The following ANKRD30B variants were observed in gnomAD, a reference collection of about 807,000 sequenced individuals.
ANKRD30B encodes ankyrin repeat domain-containing protein 30B.
ANKRD30B carries 144 observed loss-of-function variants against 202.2 expected under a neutral mutation model. The ratio of observed to expected loss-of-function variants is 0.71; its 90% CI spans 0.62 to 0.82. The LOEUF (loss-of-function observed/expected upper bound fraction) is 0.82. Ranked by LOEUF, ANKRD30B falls within the 40% of genes least tolerant of loss-of-function variation. The pLI, the probability that ANKRD30B is intolerant of heterozygous loss-of-function variation, is 0.00. For synonymous variants in ANKRD30B, 508 were observed against 561.3 expected, an observed-to-expected ratio of 0.91 and a Z score of 1.34; for missense variants, 1,487 against 1,669.1, an observed-to-expected ratio of 0.89 and a Z score of 1.90.
chr18:14,777,584 C>T (rs1967443727), intron 9 of ANKRD30B, among the ~76,000 whole-genome samples: 2 of 152,096 alleles, frequency 1.3e-5, no homozygotes, highest in South Asian at 2.1e-4. Context: ...GCATGAACCA[C>T]TGCACCTGGC....
At chr18:14,934,702 G>A in the ANKRD30B span, among the ~76,000 whole-genome samples, 50 of 152,214 alleles carry the variant, frequency 3.3e-4, 1 homozygote, top group African/African-American at 8.4e-4. Flanking sequence ...AAGCCTGAAC[G>A]TTGGGAATAT....
chr18:14,754,228 A>T (rs532790507), intron 3 of ANKRD30B, among the ~76,000 whole-genome samples: 1 of 152,282 alleles, frequency 6.6e-6, no homozygotes, highest in Admixed American at 6.5e-5. Context: ...GGGATTATTG[A>T]TAGAATAGAA....
At chr18:14,750,291 G>C (rs1407103143) in intron 1 of ANKRD30B, among the ~76,000 whole-genome samples, 1 of 152,088 alleles carries the variant, frequency 6.6e-6, no homozygotes, top group Non-Finnish European at 1.5e-5. Context: ...GATCTAAATT[G>C]CAGATCTAAA....
At chr18:14,754,830 T>C in intron 3 of ANKRD30B, 69 bp from the exon 4 acceptor site, 1 of 1,069,776 alleles carries the variant, frequency 9.3e-7, no homozygotes, top group Non-Finnish European at 1.3e-6. Context: ...TAGGATATAA[T>C]ATAAGGTATT....
chr18:14,908,205 T>C, the ANKRD30B span, among the ~76,000 whole-genome samples: 90 of 152,134 alleles, frequency 5.9e-4, no homozygotes, highest in Non-Finnish European at 1.1e-3. Flanking sequence ...TCAGAGAAAA[T>C]AGTAAATGGA....
At chr18:14,936,104 A>G in the ANKRD30B span, among the ~76,000 whole-genome samples, 5 of 152,354 alleles carry the variant, frequency 3.3e-5, no homozygotes, top group South Asian at 8.3e-4. Context: ...TTGCAAGGGA[A>G]CATTCCCAAA....
chr18:14,860,286 A>G, the ANKRD30B span, among the ~76,000 whole-genome samples: 3 of 138,302 alleles, frequency 2.2e-5, no homozygotes, highest in Admixed American at 2.2e-4. Context: ...GCGGTCAGGC[A>G]GAGGTGCTCC....
the ANKRD30B span, among the ~76,000 whole-genome samples, chr18:14,862,127 G>GA: frequency 6.6e-6 from 1 of 151,526 alleles, no homozygotes; most frequent in Non-Finnish European, 1.5e-5. Context: ...CTGGGATACA[G>GA]AAAAAACAAT....
rs993670081 is a variant in ANKRD30B at position 14,799,397 on chromosome 18, G to A, written c.2131+102G>A. The A allele has an allele frequency of 6.9e-6, 8 of 1,158,872 alleles. No homozygotes were observed. The East Asian group carries it at 1.8e-4, about 27-fold the overall frequency. 71.8% of individuals were successfully genotyped at this position (1,158,872 alleles called of 1,614,324 possible). A position where few individuals can be genotyped will look rare whatever the true frequency, so the allele number is the denominator to read the frequency against. ...CCAATGTTGTTTTCTTTTCAAAATTGGATGGGAAAATTTGATAAAATAATG... is the reference window on the plus strand; with the variant it reads ...CCAATGTTGTTTTCTTTTCAAAATTAGATGGGAAAATTTGATAAAATAATG... On this transcript the variant is annotated intron_variant, in intron 22 of 43. Transcript: ENST00000690538.
the ANKRD30B span, chr18:14,889,907 C>A: frequency 1.9e-6 from 1 of 526,152 alleles, no homozygotes; most frequent in South Asian, 2.7e-5. Context: ...AAATTAAGTC[C>A]ATTTTTCCTT....
chr18:14,894,994 T>C, the ANKRD30B span, among the ~76,000 whole-genome samples: 1 of 152,040 alleles, frequency 6.6e-6, no homozygotes, highest in African/African-American at 2.4e-5. Context: ...AATTACAACA[T>C]GGATGCAGCC....
chr18:14,799,007 A>C, intron 20 of ANKRD30B, 94 bp from the exon 21 acceptor site: 1 of 1,247,230 alleles, frequency 8.0e-7, no homozygotes, highest in South Asian at 1.2e-5. Flanking sequence ...TCCAAGCATC[A>C]TGAGGATTCG....
At chr18:14,875,224 C>T in the ANKRD30B span, among the ~76,000 whole-genome samples, 1 of 152,168 alleles carries the variant, frequency 6.6e-6, no homozygotes, top group African/African-American at 2.4e-5. Flanking sequence ...GATTTTGTGT[C>T]CTCTGGAGCA....
the ANKRD30B span, among the ~76,000 whole-genome samples, chr18:14,876,191 T>G: frequency 6.7e-6 from 1 of 149,096 alleles, no homozygotes; most frequent in African/African-American, 2.5e-5. Context: ...GGGCTTGGGG[T>G]CTGGAGTTTG....
At chr18:14,875,821 G>A in the ANKRD30B span, among the ~76,000 whole-genome samples, 4 of 152,050 alleles carry the variant, frequency 2.6e-5, no homozygotes, top group Admixed American at 6.6e-5. Context: ...ACTATATAGC[G>A]GTGGTACCAT....
At chr18:14,897,538 A>C in the ANKRD30B span, among the ~76,000 whole-genome samples, 5 of 152,212 alleles carry the variant, frequency 3.3e-5, no homozygotes, top group African/African-American at 1.2e-4. Flanking sequence ...CAAAGTAAAA[A>C]AAATCAAATT....
At chr18:14,781,443 CG>C (rs1366173214) in intron 11 of ANKRD30B, among the ~76,000 whole-genome samples, 2 of 122,780 alleles carry the variant, frequency 1.6e-5, no homozygotes, top group Non-Finnish European at 3.6e-5. Context: ...TACAGGCGCC[CG>C]CCACCACGCC....
intron 15 of ANKRD30B, 118 bp from the exon 16 acceptor site, chr18:14,791,283 G>T: frequency 1.2e-6 from 1 of 801,730 alleles, no homozygotes. Context: ...CTCTTAAGTC[G>T]AATTGTTTGC....
chr18:14,884,308 T>C, the ANKRD30B span, among the ~76,000 whole-genome samples: 2 of 151,482 alleles, frequency 1.3e-5, no homozygotes, highest in Non-Finnish European at 2.9e-5. Context: ...GTGGATCCCT[T>C]TCTGAGTTGA....
Sources: allele counts gnomAD v4.1 joint callset (sites outside exome capture counted in the v4.1 genomes callset), GRCh38; gene constraint gnomAD v4.1.1; transcripts MANE v1.5; gene names NCBI Gene and HGNC (gene_info 2026-07-23, HGNC 2026-07-21).